The following DYTN variants were observed in gnomAD, a reference collection of about 807,000 sequenced individuals.
DYTN encodes dystrotelin.
Under a neutral mutation model 69.6 loss-of-function variants are expected in DYTN, and 75 were observed. The observed-to-expected ratio is 1.08, with a 90% CI of 0.89 to 1.31. DYTN has a LOEUF of 1.31. Among genes scored for constraint, DYTN ranks in the 50% most tolerant of loss-of-function variants. DYTN has a pLI of 0.00. For missense variants in DYTN, 726 were observed against 688.4 expected (o/e 1.05, Z -0.61); for synonymous variants, 252 against 249.1 (o/e 1.01, Z -0.11).
chr2:206,655,856 A>G (rs1274287095), intron 11 of DYTN, among the ~76,000 whole-genome samples: 1 of 152,218 alleles, frequency 6.6e-6, no homozygotes, highest in Non-Finnish European at 1.5e-5. Flanking sequence ...GATATTTGGC[A>G]TGATTTCAAT....
chr2:206,702,109 A>G (rs929113703), intron 5 of DYTN, among the ~76,000 whole-genome samples: 5 of 152,184 alleles, frequency 3.3e-5, no homozygotes, highest in Non-Finnish European at 5.9e-5. Flanking sequence ...AATCTGTGCC[A>G]CCACACTCAG....
At chr2:206,695,265 A>G (rs947334910) in intron 7 of DYTN, among the ~76,000 whole-genome samples, 1 of 152,254 alleles carries the variant, frequency 6.6e-6, no homozygotes, top group Non-Finnish European at 1.5e-5. Context: ...TGAATTTAAT[A>G]GCTAATTTAA....
chr2:206,718,324 A>G lies in DYTN; in HGVS notation c.-45T>C, dbSNP rs753393273. 1.9e-6 allele frequency: 3 copies of G among 1,590,216 alleles called. No homozygotes were observed. In the East Asian group the frequency reaches 6.8e-5, roughly 36 times the overall value. On this transcript the variant is annotated 5_prime_UTR_variant, in exon 1 of 12. Transcript: ENST00000452335. ...GACAGATGGCAAGTGGGTCCCTGTA[A>G]CTAGAAATGAACCAGTATTTTAAGC...
intron 5 of DYTN, chr2:206,701,132 A>G (rs558039205): frequency 9.8e-5 from 15 of 152,334 alleles, no homozygotes; most frequent in African/African-American, 3.6e-4. Context: ...TCTGTATTCA[A>G]TCTGTAACTG....
chr2:206,712,519 C>A (rs1168875551), intron 1 of DYTN, among the ~76,000 whole-genome samples: 2 of 152,018 alleles, frequency 1.3e-5, no homozygotes, highest in African/African-American at 4.8e-5. Flanking sequence ...CACATAAAAT[C>A]GAAAGTGGTT....
intron 3 of DYTN, 151 bp downstream of exon 3, chr2:206,707,151 C>T (rs1307606631): frequency 1.1e-6 from 1 of 935,650 alleles, no homozygotes; most frequent in African/African-American, 1.7e-5. Context: ...CTCCTTTGTT[C>T]TACTCCTGAG....
intron 8 of DYTN, among the ~76,000 whole-genome samples, chr2:206,693,735 C>T (rs558370258): frequency 6.6e-6 from 1 of 152,222 alleles, no homozygotes; most frequent in Non-Finnish European, 1.5e-5. Context: ...CTCACAGGCT[C>T]ACCCGAAATC....
chr2:206,659,484 C>CA (rs772861150), intron 11 of DYTN, among the ~76,000 whole-genome samples: 13,099 of 64,302 alleles, frequency 0.2, 2,270 homozygotes, highest in East Asian at 0.36. Flanking sequence ...CAACAATTCT[C>CA]AAAAAAAAAA....
chr2:206,662,706 C>T lies in DYTN; in HGVS notation c.1633+197G>A, dbSNP rs371168968. Among the ~76,000 whole-genome samples the T allele has an allele frequency of 1.1e-4, 17 of 150,994 alleles. No individual in the cohort carries two copies. In the East Asian group the frequency reaches 3.3e-3, roughly 29 times the overall value. Reference sequence around the variant, plus strand: ...ACTAAAGTCTTACATGGTTTATCACCTTTAATACTCACAACAGACCTGTGA... The same window carrying T: ...ACTAAAGTCTTACATGGTTTATCACTTTTAATACTCACAACAGACCTGTGA... On this transcript the variant is annotated intron_variant, in intron 11 of 11. Coordinates refer to ENST00000452335, the MANE Select transcript of DYTN (RefSeq NM_001093730.1).
chr2:206,707,496 C>A lies in DYTN; in HGVS notation c.102G>T (p.Leu34Phe). 6.2e-7 allele frequency: 1 copy of A among 1,608,466 alleles called. No individual in the cohort carries two copies. The highest frequency in any genetic ancestry group is 8.5e-7 in the Non-Finnish European group (1 of 1,177,584). ...QSVQTLCQLD[L>F]IDSSLIQQVL... ...CCTGCTGAATCAGGGAGCTGTCAAT[C>A]AAGTCCACTGTAGGAAGCAAATGAA... is the stretch of plus-strand genomic sequence containing the variant. The change falls in exon 3 of 12, where the codon TTG (leucine) becomes TTT (phenylalanine). Residue 34 changes from leucine (L) to phenylalanine (F), a missense_variant. Coordinates refer to ENST00000452335, the MANE Select transcript of DYTN (RefSeq NM_001093730.1).
At chr2:206,656,750 C>T (rs1699454023) in intron 11 of DYTN, among the ~76,000 whole-genome samples, 1 of 149,302 alleles carries the variant, frequency 6.7e-6, no homozygotes, top group South Asian at 2.1e-4. Flanking sequence ...TTCCCATACA[C>T]TTTTCTAAAT....
In DYTN at chr2:206,665,881, G is replaced by A. The variant is rs372031421; in HGVS notation, c.1129C>T (p.Arg377Trp). Residue 377 changes from arginine to tryptophan, a missense_variant, in exon 10 of 12, where the codon CGG becomes TGG. Arg to Trp is a moderately radical substitution (Grantham distance 101). Coordinates refer to ENST00000452335, the MANE Select transcript of DYTN (RefSeq NM_001093730.1). ...CTCACATTTTATACCTGTAGGTCCC[G>A]TCTTATCTGTTGTAGCTTGGTCCAT... The part of the protein sequence containing the change: ...SLWTKLQQIR[R>W]DLQARLQPPG... 171 of 1,613,604 alleles carry A rather than the reference G, an allele frequency of 1.1e-4. No homozygotes were observed. The highest frequency in any genetic ancestry group is 2.3e-4 in the African/African-American group (17 of 75,018).
chr2:206,656,010 T>C (rs1167064939), intron 11 of DYTN, among the ~76,000 whole-genome samples: 1 of 152,198 alleles, frequency 6.6e-6, no homozygotes, highest in African/African-American at 2.4e-5. Flanking sequence ...TTTGGTTTAC[T>C]GTTTTCAAGT....
chr2:206,663,342 G>T lies in DYTN; in HGVS notation c.1194C>A (p.Asn398Lys), dbSNP rs774358927. 9.9e-6 allele frequency: 16 copies of T among 1,612,642 alleles called. No individual in the cohort carries two copies. The highest frequency in any genetic ancestry group is 2.7e-5 in the African/African-American group (2 of 74,874). Reference sequence around the variant, plus strand: ...TTTCAGTTGAAGAATGGTCAACCTTGTTCCCCACATTTTGAAAGGAAGAAG... The same window carrying T: ...TTTCAGTTGAAGAATGGTCAACCTTTTTCCCCACATTTTGAAAGGAAGAAG... Reference protein sequence around the residue: ...PSSSSFQNVGNKVDHSSTEKV... With the variant: ...PSSSSFQNVGKKVDHSSTEKV... The change falls in exon 11 of 12, where the codon AAC (asparagine) becomes AAA (lysine). Residue 398 changes from asparagine (N) to lysine (K), a missense_variant. Asn to Lys is a moderately conservative substitution (Grantham distance 94). Transcript: ENST00000452335.
chr2:206,661,522 C>T (rs564582917), intron 11 of DYTN, among the ~76,000 whole-genome samples: 28 of 152,234 alleles, frequency 1.8e-4, no homozygotes, highest in African/African-American at 6.0e-4. Context: ...ACTCCTGGGA[C>T]GGCAAGACCA....
rs772861150 is a variant in DYTN at position 206,659,484 on chromosome 2, C to CAAAA, written c.1633+3415_1633+3418dup. Among the ~76,000 whole-genome samples, 24 of 64,584 alleles carry CAAAA rather than the reference C, an allele frequency of 3.7e-4. 1 individual carries two copies. Among genetic ancestry groups the CAAAA allele is most frequent in the African/African-American group, 8.5e-4 (15 of 17,608 alleles). The allele number at this position is 64,584 out of a possible 152,430, so 42.4% of individuals were successfully genotyped here. A position where few individuals can be genotyped will look rare whatever the true frequency, so the allele number is the denominator to read the frequency against. On this transcript the variant is annotated intron_variant, in intron 11 of 11. Transcript: ENST00000452335. The stretch of plus-strand genomic sequence containing the variant: ...CCACCACGCCGGGCCCAACAATTCT[C>CAAAA]AAAAAAAAAAAAAAAAAAAAAAAAA...
intron 9 of DYTN, among the ~76,000 whole-genome samples, chr2:206,676,871 A>T (rs1699695567): frequency 6.6e-6 from 1 of 152,150 alleles, no homozygotes; most frequent in Non-Finnish European, 1.5e-5. Flanking sequence ...GTGCACCTTT[A>T]TCCCCAAACT....
At chr2:206,691,975 T>G (rs967442034) in intron 9 of DYTN, among the ~76,000 whole-genome samples, 1 of 152,152 alleles carries the variant, frequency 6.6e-6, no homozygotes, top group Non-Finnish European at 1.5e-5. Context: ...AAATATTTCT[T>G]TTTCTCAAAA....
intron 9 of DYTN, among the ~76,000 whole-genome samples, chr2:206,673,548 G>A (rs892537284): frequency 7.2e-5 from 11 of 151,972 alleles, no homozygotes; most frequent in African/African-American, 1.2e-4. Context: ...GAGCCACCAC[G>A]CCTGGCCGGT....
Sources: gnomAD v4.1 joint callset for allele counts (sites outside exome capture counted in the v4.1 genomes callset) on GRCh38, gnomAD v4.1.1 for gene constraint, MANE v1.5 for transcripts, NCBI Gene and HGNC (gene_info 2026-07-23, HGNC 2026-07-21) for gene names.